Variants in ST8SIA5 observed in about 807,000 individuals in gnomAD.
ST8SIA5 encodes the protein alpha-2,8-sialyltransferase 8E.
ST8SIA5 carries 24 observed loss-of-function variants against 40.2 expected under a neutral mutation model. The ratio of observed to expected loss-of-function variants is 0.60; its 90% CI spans 0.43 to 0.84. ST8SIA5 has a LOEUF of 0.84. ST8SIA5 is among the 40% of genes least tolerant of loss of function. The pLI is 0.00. For missense variants in ST8SIA5, 465 were observed against 498.5 expected, an observed-to-expected ratio of 0.93 and a Z score of 0.64; for synonymous variants, 198 against 201.8, an observed-to-expected ratio of 0.98 and a Z score of 0.16.
intron 6 of ST8SIA5, 106 bp downstream of exon 6, chr18:46,681,866 A>T: frequency 8.6e-7 from 1 of 1,167,096 alleles, no homozygotes; most frequent in Non-Finnish European, 1.2e-6. Flanking sequence ...TTTTACACTC[A>T]CAGCCAGCAC....
intron 1 of ST8SIA5, among the ~76,000 whole-genome samples, chr18:46,736,053 G>A (rs1055657272): frequency 2.0e-5 from 3 of 151,854 alleles, no homozygotes; most frequent in African/African-American, 7.3e-5. Flanking sequence ...AAAAGAAACA[G>A]GTAAAATTCA....
rs2144445716 is a variant in ST8SIA5, at chr18:46,674,813, G to A, written c.*5229C>T. 6.5e-6 allele frequency: 1 copy of A among 152,778 alleles called. No individual in the cohort carries two copies. Among genetic ancestry groups the A allele is most frequent in the East Asian group, 1.9e-4 (1 of 5,200 alleles). 9.5% of individuals were successfully genotyped at this position (152,778 alleles called of 1,614,324 possible). ...CCATTACCTGACTTCTGCAAAAGTG[G>A]CCAGATAAAAGGAAGGAGAGAGGAA... is the stretch of plus-strand genomic sequence containing the variant. On this transcript the variant is annotated 3_prime_UTR_variant, in exon 7 of 7. Coordinates refer to ENST00000315087, the MANE Select transcript of ST8SIA5 (RefSeq NM_013305.6).
At chr18:46,682,727 G>C (rs150706393) in intron 5 of ST8SIA5, among the ~76,000 whole-genome samples, 85 of 152,316 alleles carry the variant, frequency 5.6e-4, no homozygotes, top group Non-Finnish European at 7.9e-4. Context: ...TTATCTGGGG[G>C]AGTCCAGTGT....
intron 2 of ST8SIA5, among the ~76,000 whole-genome samples, chr18:46,701,534 A>C (rs1192668739): frequency 2.6e-5 from 4 of 152,292 alleles, no homozygotes; most frequent in Admixed American, 1.3e-4. Flanking sequence ...ATTAGAGCAC[A>C]GGCAAGACTC....
chr18:46,702,348 G>T (rs529577075), intron 2 of ST8SIA5, among the ~76,000 whole-genome samples: 2 of 152,220 alleles, frequency 1.3e-5, no homozygotes, highest in African/African-American at 2.4e-5. Flanking sequence ...CTCCTTGGAG[G>T]CATGTTTAAA....
At chr18:46,706,376 G>A (rs558677526) in intron 1 of ST8SIA5, among the ~76,000 whole-genome samples, 5 of 152,198 alleles carry the variant, frequency 3.3e-5, no homozygotes, top group Admixed American at 1.3e-4. Context: ...TTCAGTACCC[G>A]GCTCGAGTAA....
At chr18:46,690,644 C>T (rs1054202487) in intron 3 of ST8SIA5, among the ~76,000 whole-genome samples, 4 of 132,198 alleles carry the variant, frequency 3.0e-5, no homozygotes, top group African/African-American at 8.7e-5. Flanking sequence ...GATGGAGTCT[C>T]GCTCTGTCGC....
intron 1 of ST8SIA5, among the ~76,000 whole-genome samples, chr18:46,710,393 TTCTTTC>T (rs1312515841): frequency 1.4e-5 from 2 of 144,940 alleles, no homozygotes; most frequent in African/African-American, 2.6e-5. Context: ...CTTTCTTTCT[TTCTTTC>T]TTTCTTTCTT....
chr18:46,756,797 T>G lies in ST8SIA5; in HGVS notation c.-289A>C. The G allele has an allele frequency of 5.8e-6, 2 of 344,122 alleles. No individual in the cohort carries two copies. Among genetic ancestry groups the G allele is most frequent in the African/African-American group, 2.2e-5 (1 of 45,874 alleles). The allele number at this position is 344,122 out of a possible 1,614,324, so 21.3% of individuals were successfully genotyped here. On this transcript the variant is annotated 5_prime_UTR_variant, in exon 1 of 7. Transcript: ENST00000315087. ...TTTACCTCCAGGCGCCGGTGCCGGGTAGCCGCCGATTTCCCCGCGGAGGGG... is the reference window on the plus strand; with the variant it reads ...TTTACCTCCAGGCGCCGGTGCCGGGGAGCCGCCGATTTCCCCGCGGAGGGG...
In ST8SIA5 at chr18:46,679,868, C is replaced by T. The variant is rs1435203493; in HGVS notation, c.*174G>A. The T allele has an allele frequency of 1.5e-6, 1 of 688,148 alleles. No individual in the cohort carries two copies. The highest frequency in any genetic ancestry group is 2.7e-5 in the East Asian group (1 of 36,532). 42.6% of individuals were successfully genotyped at this position (688,148 alleles called of 1,614,324 possible). Reference sequence around the variant, plus strand: ...AGGCTCAGCACAGAGCTGACTCTGCCCCGGTTCCTAACCCTGCCTCCCTAC... The same window carrying T: ...AGGCTCAGCACAGAGCTGACTCTGCTCCGGTTCCTAACCCTGCCTCCCTAC... On this transcript the variant is annotated 3_prime_UTR_variant, in exon 7 of 7. Coordinates refer to ENST00000315087, the MANE Select transcript of ST8SIA5 (RefSeq NM_013305.6).
intron 2 of ST8SIA5, among the ~76,000 whole-genome samples, chr18:46,694,847 A>AT (rs398032708): frequency 2.7e-5 from 4 of 150,912 alleles, no homozygotes; most frequent in Non-Finnish European, 5.9e-5. Flanking sequence ...AAAAAAAAAA[A>AT]GCAAATACCC....
At chr18:46,688,283 T>C (rs905570727) in intron 4 of ST8SIA5, among the ~76,000 whole-genome samples, 1 of 152,212 alleles carries the variant, frequency 6.6e-6, no homozygotes, top group Admixed American at 6.5e-5. Context: ...AATCTATTCA[T>C]AGTCCAAGCC....
chr18:46,706,130 G>A (rs1370309300), intron 1 of ST8SIA5, among the ~76,000 whole-genome samples: 4 of 151,298 alleles, frequency 2.6e-5, no homozygotes, highest in Non-Finnish European at 5.9e-5. Context: ...TTTTAATATA[G>A]TTTTAAGTAC....
chr18:46,683,859 TC>T (rs2039421307), intron 5 of ST8SIA5, among the ~76,000 whole-genome samples: 1 of 152,194 alleles, frequency 6.6e-6, no homozygotes, highest in Non-Finnish European at 1.5e-5. Context: ...GATATTAGGC[TC>T]ACTGTGTTGC....
intron 1 of ST8SIA5, among the ~76,000 whole-genome samples, chr18:46,709,518 C>T (rs118075212): frequency 6.6e-6 from 1 of 152,210 alleles, no homozygotes; most frequent in Non-Finnish European, 1.5e-5. Context: ...CTGCTTCTAA[C>T]AGGACGCTCA....
intron 1 of ST8SIA5, chr18:46,730,405 T>C (rs186044588): frequency 6.7e-5 from 15 of 222,706 alleles, no homozygotes; most frequent in Admixed American, 2.6e-4. Context: ...TATAAAGGCT[T>C]TTATATCTAA....
chr18:46,693,181 TC>T lies in ST8SIA5; in HGVS notation c.225-927del, dbSNP rs546357559. Among the ~76,000 whole-genome samples, 487 of 150,372 alleles carry T rather than the reference TC, an allele frequency of 3.2e-3. 5 individuals carry two copies. Among genetic ancestry groups the T allele is most frequent in the African/African-American group, 0.012 (473 of 40,822 alleles). On this transcript the variant is annotated intron_variant, in intron 2 of 6. Coordinates refer to ENST00000315087, the MANE Select transcript of ST8SIA5 (RefSeq NM_013305.6). ...TCCTACTGTACCTGATTAAAACAAA[TC>T]CCAGAAACACTTTGAAACCTTCTCC...
intron 2 of ST8SIA5, among the ~76,000 whole-genome samples, chr18:46,695,811 T>C (rs765009103): frequency 2.0e-5 from 3 of 152,256 alleles, no homozygotes; most frequent in East Asian, 1.9e-4. Context: ...AATGAATTAA[T>C]TGAAACACCT....
At chr18:46,680,997 G>A (rs906882124) in intron 6 of ST8SIA5, among the ~76,000 whole-genome samples, 13 of 141,214 alleles carry the variant, frequency 9.2e-5, no homozygotes, top group Admixed American at 5.5e-4. Context: ...TTAGAGACAC[G>A]GTCTTGCTCT....
Sources: allele counts gnomAD v4.1 joint callset (sites outside exome capture counted in the v4.1 genomes callset), GRCh38; gene constraint gnomAD v4.1.1; transcripts MANE v1.5; gene names NCBI Gene and HGNC (gene_info 2026-07-23, HGNC 2026-07-21).